RIC1: variants seen among roughly 807,000 people sequenced by gnomAD.
The protein encoded by RIC1 is RIC1 partner of RAB6A GEF complex.
RIC1 carries 88 observed loss-of-function variants against 169.0 expected under a neutral mutation model. The ratio of observed to expected loss-of-function variants is 0.52; its 90% CI spans 0.44 to 0.62. The LOEUF is 0.62. Among genes scored for constraint, RIC1 ranks in the 20% least tolerant of loss-of-function variants. RIC1 has a pLI of 0.00. For synonymous variants in RIC1, 790 were observed against 601.5 expected, an observed-to-expected ratio of 1.31 and a Z score of -4.59; for missense variants, 1,877 against 1,725.5, an observed-to-expected ratio of 1.09 and a Z score of -1.56.
chr9:5,723,388 AC>A (rs1188982346), intron 6 of RIC1, among the ~76,000 whole-genome samples: 1 of 152,118 alleles, frequency 6.6e-6, no homozygotes, highest in Non-Finnish European at 1.5e-5. Context: ...GCCTTCGCCC[AC>A]TTTTTGATGG....
Position 5,747,453 on chromosome 9 carries a change from A to C in RIC1, c.1400A>C (p.Glu467Ala). 6.2e-7 allele frequency: 1 copy of C among 1,614,112 alleles called. No homozygotes were observed. Among genetic ancestry groups the C allele is most frequent in the South Asian group, 1.1e-5 (1 of 91,078 alleles). ...EKSPFADGGL[E>A]SQGLSTLLGH... is the part of the protein sequence containing the mutation. ...AGCCCATTTGCAGATGGAGGTTTAG[A>C]GTCTCAGGGATTAAGCACTTTACTT... is the stretch of plus-strand genomic sequence containing the variant. The change falls in exon 12 of 26, where the codon GAG (glutamate) becomes GCG (alanine). Residue 467 changes from glutamate (E) to alanine (A), a missense_variant. By Grantham distance (107) the Glu-to-Ala change is moderately radical. Transcript: ENST00000414202.
At chr9:5,732,576 A>G in intron 7 of RIC1, 97 bp downstream of exon 7, 1 of 671,902 alleles carries the variant, frequency 1.5e-6, no homozygotes, top group East Asian at 2.8e-5. Context: ...ATACTTATAA[A>G]CTGCATCATG....
At chr9:5,695,277 A>C (rs1821821338) in intron 3 of RIC1, among the ~76,000 whole-genome samples, 1 of 152,250 alleles carries the variant, frequency 6.6e-6, no homozygotes, top group Non-Finnish European at 1.5e-5. Context: ...AATAATTTAT[A>C]GTTAGTAAGA....
At position 5,651,635 on chromosome 9, in the gene RIC1, C is replaced by G. The variant is rs1375484113; in HGVS notation, c.145-4948C>G. On this transcript the variant is annotated intron_variant, in intron 1 of 25. Coordinates refer to ENST00000414202, the MANE Select transcript of RIC1 (RefSeq NM_020829.4). ...CTTGAGTGCAGTGGTGTGATCTCAG[C>G]TCACTTCAACCTCCACCTCCTGGGT... Among the ~76,000 whole-genome samples, 3 of 144,616 alleles carry G rather than the reference C, an allele frequency of 2.1e-5. No homozygotes were observed. In the Admixed American group the frequency reaches 2.2e-4, roughly 10 times the overall value. 94.9% of individuals were successfully genotyped at this position (144,616 alleles called of 152,430 possible). A position where few individuals can be genotyped will look rare whatever the true frequency, so the allele number is the denominator to read the frequency against.
chr9:5,766,903 T>C (rs1165661633), intron 21 of RIC1, among the ~76,000 whole-genome samples: 1 of 152,226 alleles, frequency 6.6e-6, no homozygotes, highest in Non-Finnish European at 1.5e-5. Flanking sequence ...CTTTTGGTTA[T>C]TGAGGGAATC....
intron 2 of RIC1, among the ~76,000 whole-genome samples, chr9:5,678,933 G>C (rs1820627391): frequency 6.6e-6 from 1 of 151,726 alleles, no homozygotes; most frequent in Non-Finnish European, 1.5e-5. Flanking sequence ...CCTATGTCCT[G>C]AATGGTATTG....
intron 3 of RIC1, among the ~76,000 whole-genome samples, chr9:5,700,137 C>A (rs1183395542): frequency 6.6e-6 from 1 of 151,786 alleles, no homozygotes; most frequent in Admixed American, 6.6e-5. Context: ...TTCACAAATT[C>A]TGCCATGGCT....
At chr9:5,686,347 A>G (rs1318576707) in intron 2 of RIC1, among the ~76,000 whole-genome samples, 6 of 152,138 alleles carry the variant, frequency 3.9e-5, no homozygotes, top group Non-Finnish European at 5.9e-5. Flanking sequence ...TTGTGGCACT[A>G]TTCACAATAG....
intron 1 of RIC1, among the ~76,000 whole-genome samples, chr9:5,632,142 C>T (rs561343516): frequency 6.6e-6 from 1 of 152,148 alleles, no homozygotes; most frequent in African/African-American, 2.4e-5. Flanking sequence ...GATGATAAAA[C>T]AAGATTTGCT....
intron 7 of RIC1, among the ~76,000 whole-genome samples, chr9:5,737,785 T>C (rs1824815404): frequency 6.6e-6 from 1 of 150,796 alleles, no homozygotes; most frequent in African/African-American, 2.4e-5. Context: ...ACATACTTTT[T>C]ATTTTATATA....
intron 2 of RIC1, among the ~76,000 whole-genome samples, chr9:5,660,511 C>G (rs1819389702): frequency 6.6e-6 from 1 of 152,052 alleles, no homozygotes; most frequent in South Asian, 2.1e-4. Context: ...CTAACCAGCA[C>G]CTGTTGTTTT....
At chr9:5,731,055 A>G (rs1563933373) in intron 6 of RIC1, among the ~76,000 whole-genome samples, 1 of 152,106 alleles carries the variant, frequency 6.6e-6, no homozygotes, top group Non-Finnish European at 1.5e-5. Context: ...TTAATATTAC[A>G]TCCTTCCCCT....
intron 3 of RIC1, among the ~76,000 whole-genome samples, chr9:5,699,084 G>C (rs1254510163): frequency 6.6e-6 from 1 of 152,134 alleles, no homozygotes; most frequent in African/African-American, 2.4e-5. Flanking sequence ...AAAATTCCAA[G>C]TATTAACAAA....
intron 1 of RIC1, among the ~76,000 whole-genome samples, chr9:5,640,565 A>G (rs1050948266): frequency 2.0e-5 from 3 of 152,214 alleles, no homozygotes; most frequent in Non-Finnish European, 4.4e-5. Context: ...CTTATAAAAT[A>G]AGAATCATTG....
chr9:5,635,482 T>C (rs1817928795), intron 1 of RIC1, among the ~76,000 whole-genome samples: 1 of 152,216 alleles, frequency 6.6e-6, no homozygotes, highest in South Asian at 2.1e-4. Flanking sequence ...TGTGAAAGAT[T>C]GACTATATAT....
At position 5,671,335 on chromosome 9, in the gene RIC1, C is replaced by T. The variant is rs186983835; in HGVS notation, c.252+14645C>T. ...CCCAGACTGGAGTGGAGTGGCGCAG[C>T]GCAATCTCTGCTCACTGCAACCTCC... is the stretch of plus-strand genomic sequence containing the variant. On this transcript the variant is annotated intron_variant, in intron 2 of 25. Transcript: ENST00000414202. Among the ~76,000 whole-genome samples, 112 of 150,460 alleles carry T rather than the reference C, an allele frequency of 7.4e-4. 1 individual carries two copies. Among genetic ancestry groups the T allele is most frequent in the African/African-American group, 2.6e-3 (105 of 40,770 alleles).
Position 5,685,393 on chromosome 9 carries a change from A to C in RIC1, c.253-4566A>C, listed in dbSNP as rs530983593. The stretch of plus-strand genomic sequence containing the variant: ...TTCAACTATACTACAAGGCTACAGT[A>C]ACCAAAACAGCATGGTACTGGTACC... On this transcript the variant is annotated intron_variant, in intron 2 of 25. Coordinates refer to ENST00000414202, the MANE Select transcript of RIC1 (RefSeq NM_020829.4). Among the ~76,000 whole-genome samples the C allele has an allele frequency of 1.3e-4, 20 of 151,844 alleles. 1 individual carries two copies. In the South Asian group the frequency reaches 4.2e-3, roughly 32 times the overall value.
chr9:5,667,078 A>T (rs1219085485), intron 2 of RIC1, among the ~76,000 whole-genome samples: 1 of 152,186 alleles, frequency 6.6e-6, no homozygotes, highest in African/African-American at 2.4e-5. Context: ...TAATCCCAGC[A>T]CTTTGGGAAG....
intron 7 of RIC1, among the ~76,000 whole-genome samples, chr9:5,736,186 A>G (rs1167497163): frequency 6.6e-6 from 1 of 152,228 alleles, no homozygotes; most frequent in African/African-American, 2.4e-5. Flanking sequence ...GATGCAAAGC[A>G]AAAACAAACA....
Sources: allele counts gnomAD v4.1 joint callset (sites outside exome capture counted in the v4.1 genomes callset), GRCh38; gene constraint gnomAD v4.1.1; transcripts MANE v1.5; gene names NCBI Gene and HGNC (gene_info 2026-07-23, HGNC 2026-07-21).